TMEFF1: variants seen among roughly 807,000 people sequenced by gnomAD.
The protein encoded by TMEFF1 is tomoregulin-1.
In TMEFF1, 20 loss-of-function variants were observed where a neutral mutation model predicts 47.5. The ratio of observed to expected loss-of-function variants is 0.42; its 90% CI spans 0.30 to 0.61. The LOEUF (loss-of-function observed/expected upper bound fraction) is 0.61, where lower values mean the gene tolerates loss of function less well. Ranked by LOEUF, TMEFF1 falls within the 20% of genes least tolerant of loss-of-function variation. TMEFF1 has a pLI of 0.19. For synonymous variants in TMEFF1, 162 were observed against 166.3 expected, an observed-to-expected ratio of 0.97 and a Z score of 0.20; for missense variants, 411 against 471.1, an observed-to-expected ratio of 0.87 and a Z score of 1.18.
intron 1 of TMEFF1, among the ~76,000 whole-genome samples, chr9:100,482,066 C>A (rs777447228): frequency 1.3e-5 from 2 of 151,930 alleles, no homozygotes; most frequent in South Asian, 2.1e-4. Context: ...TGAGCCACTG[C>A]GCCCAGCCTA....
intron 5 of TMEFF1, among the ~76,000 whole-genome samples, chr9:100,527,424 T>C (rs1838283729): frequency 6.6e-6 from 1 of 152,174 alleles, no homozygotes; most frequent in African/African-American, 2.4e-5. Context: ...ATTGCCTCAC[T>C]CGGGAAGTGC....
At chr9:100,529,188 GA>G (rs1838327332) in intron 5 of TMEFF1, among the ~76,000 whole-genome samples, 1 of 149,570 alleles carries the variant, frequency 6.7e-6, no homozygotes, top group Non-Finnish European at 1.5e-5. Context: ...ATCAACTAAC[GA>G]GCAAAATAAC....
chr9:100,500,340 A>AT (rs927607145), intron 2 of TMEFF1, among the ~76,000 whole-genome samples: 4 of 151,780 alleles, frequency 2.6e-5, no homozygotes, highest in Non-Finnish European at 5.9e-5. Flanking sequence ...ATTTCTTAAA[A>AT]TTTTTTTTCT....
chr9:100,517,011 T>C (rs535839441), intron 5 of TMEFF1, among the ~76,000 whole-genome samples: 2 of 152,316 alleles, frequency 1.3e-5, no homozygotes, highest in Admixed American at 6.5e-5. Context: ...TATCTATGCT[T>C]TTCTTCCTCC....
intron 1 of TMEFF1, among the ~76,000 whole-genome samples, chr9:100,494,615 CAG>C (rs1216103048): frequency 6.6e-6 from 1 of 152,050 alleles, no homozygotes; most frequent in African/African-American, 2.4e-5. Context: ...AGGAAAAAAA[CAG>C]AGGAAGAATG....
At chr9:100,573,990 T>TCAGA (rs1839301277) in intron 9 of TMEFF1, among the ~76,000 whole-genome samples, 1 of 152,226 alleles carries the variant, frequency 6.6e-6, no homozygotes, top group South Asian at 2.1e-4. Flanking sequence ...TAATATAGAC[T>TCAGA]CAGAGGTTAA....
chr9:100,554,428 A>T (rs1838879545), intron 7 of TMEFF1, among the ~76,000 whole-genome samples: 1 of 152,092 alleles, frequency 6.6e-6, no homozygotes, highest in East Asian at 1.9e-4. Flanking sequence ...TGGAAGTGAC[A>T]GTGGCGAGCA....
intron 5 of TMEFF1, among the ~76,000 whole-genome samples, chr9:100,524,382 C>T (rs1712590549): frequency 6.6e-6 from 1 of 152,136 alleles, no homozygotes; most frequent in Non-Finnish European, 1.5e-5. Flanking sequence ...GCAATAGTGC[C>T]CACTTAGAGA....
At chr9:100,519,597 G>T (rs369797148) in intron 5 of TMEFF1, among the ~76,000 whole-genome samples, 2 of 149,022 alleles carry the variant, frequency 1.3e-5, no homozygotes, top group East Asian at 2.0e-4. Context: ...AAAAATTCCC[G>T]GAAGGAATGT....
chr9:100,512,772 A>G (rs1219052597), intron 3 of TMEFF1, among the ~76,000 whole-genome samples: 8 of 152,190 alleles, frequency 5.3e-5, no homozygotes, highest in Non-Finnish European at 1.0e-4. Context: ...TTTTATTAGT[A>G]ACATGAAAAC....
rs1174514250 is a variant in TMEFF1 at position 100,516,781 on chromosome 9, T to C, written c.560+10T>C. ...ATGCAGAAAATGTTGGGTGAGTTGG[T>C]TGAGGGGAAGGGACAAAGTTATTTA... is the stretch of plus-strand genomic sequence containing the variant. On this transcript the variant is annotated intron_variant, in intron 5 of 9. Transcript: ENST00000374879. The C allele has an allele frequency of 1.9e-6, 3 of 1,612,162 alleles. No homozygotes were observed. In the South Asian group the frequency reaches 3.3e-5, roughly 18 times the overall value.
chr9:100,476,798 G>A (rs1311199152), intron 1 of TMEFF1, among the ~76,000 whole-genome samples: 1 of 150,912 alleles, frequency 6.6e-6, no homozygotes, highest in African/African-American at 2.4e-5. Flanking sequence ...CCGGGTTCGC[G>A]CCATTCTCCT....
intron 8 of TMEFF1, among the ~76,000 whole-genome samples, chr9:100,572,037 C>T (rs1276637198): frequency 6.6e-6 from 1 of 152,092 alleles, no homozygotes; most frequent in East Asian, 1.9e-4. Context: ...CACCACTCAC[C>T]TCCTGCTGTG....
At chr9:100,509,589 C>G (rs1298736214) in intron 3 of TMEFF1, among the ~76,000 whole-genome samples, 1 of 151,976 alleles carries the variant, frequency 6.6e-6, no homozygotes, top group Non-Finnish European at 1.5e-5. Flanking sequence ...CTGGCTAACA[C>G]AGTGAAACCC....
At position 100,572,594 on chromosome 9, in the gene TMEFF1, A is replaced by C; in HGVS notation, c.976A>C (p.Lys326Gln). Residue 326 changes from lysine to glutamine, a missense_variant, in exon 9 of 10, where the codon AAG becomes CAG. By Grantham distance (53) the Lys-to-Gln change is moderately conservative. Transcript: ENST00000374879. Reference protein sequence around the residue: ...SILYVVPSRQKLTHVLIAAII... With the variant: ...SILYVVPSRQQLTHVLIAAII... ...TCTCTATGTAGTGCCAAGTAGGCAA[A>C]AGCTCACTCATGTTCTTATTGCAGC... is the stretch of plus-strand genomic sequence containing the variant. 6.2e-7 allele frequency: 1 copy of C among 1,613,618 alleles called. No homozygotes were observed. Among genetic ancestry groups the C allele is most frequent in the Non-Finnish European group, 8.5e-7 (1 of 1,179,752 alleles).
chr9:100,548,817 T>C (rs994353374), intron 6 of TMEFF1, among the ~76,000 whole-genome samples: 3 of 152,118 alleles, frequency 2.0e-5, no homozygotes, highest in African/African-American at 7.2e-5. Context: ...AGGAAGCTCA[T>C]CAGACAATTT....
chr9:100,549,759 G>A (rs1371833314), intron 6 of TMEFF1, among the ~76,000 whole-genome samples: 1 of 152,178 alleles, frequency 6.6e-6, no homozygotes, highest in Non-Finnish European at 1.5e-5. Flanking sequence ...GGTAAATCTT[G>A]AGGCAGTTGT....
rs140791626 is a variant in TMEFF1, at chr9:100,555,775, G to A, written c.775+5615G>A. On this transcript the variant is annotated intron_variant, in intron 7 of 9. Transcript: ENST00000374879. ...TATCTGTCTTGTTATTTAATATTAT[G>A]GTTCATAAGTGACATCAGTAGGATA... Among the ~76,000 whole-genome samples, 3 of 152,172 alleles carry A rather than the reference G, an allele frequency of 2.0e-5. No homozygotes were observed. In the East Asian group the frequency reaches 5.8e-4, roughly 29 times the overall value.
chr9:100,513,783 T>G (rs1047671609), intron 4 of TMEFF1, among the ~76,000 whole-genome samples: 1 of 152,152 alleles, frequency 6.6e-6, no homozygotes, highest in Non-Finnish European at 1.5e-5. Context: ...TGCTTTCAAG[T>G]TTTTGCTCAT....
Sources: gnomAD v4.1 joint callset for allele counts (sites outside exome capture counted in the v4.1 genomes callset) on GRCh38, gnomAD v4.1.1 for gene constraint, MANE v1.5 for transcripts, NCBI Gene and HGNC (gene_info 2026-07-23, HGNC 2026-07-21) for gene names.